Variants in CYTH3 observed in about 807,000 individuals in gnomAD.
The protein encoded by CYTH3 is cytohesin 3.
In CYTH3, 23 loss-of-function variants were observed where a neutral mutation model predicts 55.1. That is an observed-to-expected ratio of 0.42 (90% CI 0.30 to 0.59). The LOEUF (loss-of-function observed/expected upper bound fraction) is 0.59, where lower values mean the gene tolerates loss of function less well. Among genes scored for constraint, CYTH3 ranks in the 20% least tolerant of loss-of-function variants. The pLI, the probability that CYTH3 is intolerant of heterozygous loss-of-function variation, is 0.20. For missense variants in CYTH3, 413 were observed against 524.8 expected, an observed-to-expected ratio of 0.79 and a Z score of 2.08; for synonymous variants, 249 against 194.9, an observed-to-expected ratio of 1.28 and a Z score of -2.31.
chr7:6,201,087 G>C (rs1048945606), intron 1 of CYTH3, among the ~76,000 whole-genome samples: 1 of 152,178 alleles, frequency 6.6e-6, no homozygotes, highest in Admixed American at 6.5e-5. Flanking sequence ...TGAGTTTCTG[G>C]AGACTACTGA....
At chr7:6,180,275 C>T (rs1174102953) in intron 4 of CYTH3, among the ~76,000 whole-genome samples, 2 of 152,238 alleles carry the variant, frequency 1.3e-5, no homozygotes, top group Non-Finnish European at 2.9e-5. Flanking sequence ...CCTCTGGATG[C>T]TCAAGGCCTG....
intron 5 of CYTH3, 80 bp from the exon 6 acceptor site, chr7:6,173,813 G>A: frequency 1.2e-6 from 1 of 841,354 alleles, no homozygotes; most frequent in Non-Finnish European, 2.0e-6. Flanking sequence ...TGAATAATGT[G>A]GCTATGAACG....
At chr7:6,211,845 G>C (rs2128549378) in intron 1 of CYTH3, among the ~76,000 whole-genome samples, 1 of 152,148 alleles carries the variant, frequency 6.6e-6, no homozygotes, top group South Asian at 2.1e-4. Flanking sequence ...AATTAGTCAG[G>C]TGTGGTGGCT....
chr7:6,254,382 C>T (rs1239558163), intron 1 of CYTH3, among the ~76,000 whole-genome samples: 4 of 152,170 alleles, frequency 2.6e-5, no homozygotes, highest in Non-Finnish European at 4.4e-5. Context: ...AGAATGATAA[C>T]GGCTGTAGTT....
chr7:6,235,175 C>G (rs1019135619), intron 1 of CYTH3, among the ~76,000 whole-genome samples: 5 of 152,194 alleles, frequency 3.3e-5, no homozygotes, highest in African/African-American at 1.2e-4. Flanking sequence ...CTGATCCACG[C>G]AGTAAGAACT....
At position 6,162,367 on chromosome 7, in the gene CYTH3, AG is replaced by A. The variant is rs1490473810; in HGVS notation, c.*2576del. On this transcript the variant is annotated 3_prime_UTR_variant, in exon 13 of 13. Transcript: ENST00000350796. ...CTCCTGGCCTCTGTCTCTGGAAAAAAGTATCTTTGGCCAGAGTTGGGACTAA... is the reference window on the plus strand; with the variant it reads ...CTCCTGGCCTCTGTCTCTGGAAAAAATATCTTTGGCCAGAGTTGGGACTAA... 7 of 152,260 alleles carry A rather than the reference AG, an allele frequency of 4.6e-5. No homozygotes were observed. Among genetic ancestry groups the A allele is most frequent in the African/African-American group, 1.7e-4 (7 of 41,462 alleles). The allele number at this position is 152,260 out of a possible 1,614,324, so 9.4% of individuals were successfully genotyped here. A position where few individuals can be genotyped will look rare whatever the true frequency, so the allele number is the denominator to read the frequency against.
intron 1 of CYTH3, among the ~76,000 whole-genome samples, chr7:6,204,819 A>G (rs568872528): frequency 2.0e-5 from 3 of 152,328 alleles, no homozygotes; most frequent in East Asian, 1.9e-4. Flanking sequence ...CTGTTGTCAT[A>G]AAGACCACAT....
chr7:6,166,686 G>A (rs1783020087), intron 9 of CYTH3, among the ~76,000 whole-genome samples: 1 of 152,156 alleles, frequency 6.6e-6, no homozygotes, highest in Non-Finnish European at 1.5e-5. Context: ...TGGGTGAGGA[G>A]GAACCAGCTG....
intron 1 of CYTH3, among the ~76,000 whole-genome samples, chr7:6,196,767 T>G (rs1479356773): frequency 2.0e-5 from 3 of 152,146 alleles, no homozygotes; most frequent in Non-Finnish European, 4.4e-5. Flanking sequence ...AGCCGCATCT[T>G]ATTTCAATAT....
intron 1 of CYTH3, among the ~76,000 whole-genome samples, chr7:6,208,291 C>T (rs932556229): frequency 2.6e-5 from 4 of 152,180 alleles, no homozygotes; most frequent in Admixed American, 6.5e-5. Context: ...TGTTACAACC[C>T]TACCCAAATC....
Position 6,170,743 on chromosome 7 carries a change from G to C in CYTH3, c.711+87C>G. 6.4e-7 allele frequency: 1 copy of C among 1,568,366 alleles called. No individual in the cohort carries two copies. Among genetic ancestry groups the C allele is most frequent in the South Asian group, 1.2e-5 (1 of 85,948 alleles). The stretch of plus-strand genomic sequence containing the variant: ...GGGACCAGGGCGGCAAGGAGGCTTG[G>C]GAGGCGTGTCTAGAGCCGCGGGCGC... On this transcript the variant is annotated intron_variant, in intron 8 of 12. Transcript: ENST00000350796. The surrounding 1 kb of genome is among the most constrained non-coding windows in gnomAD (Gnocchi z 7.8).
intron 1 of CYTH3, among the ~76,000 whole-genome samples, chr7:6,209,780 T>C (rs1784282824): frequency 6.6e-6 from 1 of 152,218 alleles, no homozygotes; most frequent in African/African-American, 2.4e-5. Context: ...TCAGTGATAG[T>C]AAGAGATCAG....
chr7:6,259,893 T>G (rs7808237), intron 1 of CYTH3, among the ~76,000 whole-genome samples: 1 of 129,788 alleles, frequency 7.7e-6, no homozygotes, highest in Non-Finnish European at 1.5e-5. Context: ...AGCAATGGCG[T>G]GATCTCGGCT....
At chr7:6,175,348 TAG>T (rs1183899817) in intron 5 of CYTH3, among the ~76,000 whole-genome samples, 1 of 152,156 alleles carries the variant, frequency 6.6e-6, no homozygotes, top group Non-Finnish European at 1.5e-5. Context: ...TCTGATGAAG[TAG>T]AGTCTACCTA....
intron 1 of CYTH3, among the ~76,000 whole-genome samples, chr7:6,267,320 G>A (rs74359060): frequency 0.021 from 3,214 of 152,254 alleles, 102 homozygotes; most frequent in African/African-American, 0.073. Flanking sequence ...AATAGCTCTT[G>A]TGCCATGCAT....
rs966382076 is a variant in CYTH3, at chr7:6,167,084, G to T, written c.824-1274C>A. Among the ~76,000 whole-genome samples the T allele has an allele frequency of 1.3e-5, 2 of 152,118 alleles. No homozygotes were observed. The highest frequency in any genetic ancestry group is 1.3e-4 in the Admixed American group (2 of 15,288). On this transcript the variant is annotated intron_variant, in intron 9 of 12. Coordinates refer to ENST00000350796, the MANE Select transcript of CYTH3 (RefSeq NM_004227.4). This position sits in a 1 kb window ranked among gnomAD's most constrained non-coding sequence, Gnocchi z 5.5. ...AGCTGCTCCGTCACTGGAACCCTCTGCCCCAACTGTGGCACCGCCTCACTG... is the reference window on the plus strand; with the variant it reads ...AGCTGCTCCGTCACTGGAACCCTCTTCCCCAACTGTGGCACCGCCTCACTG...
chr7:6,245,292 CTTCT>C (rs1253966680), intron 1 of CYTH3, among the ~76,000 whole-genome samples: 4 of 151,914 alleles, frequency 2.6e-5, no homozygotes, highest in African/African-American at 7.3e-5. Context: ...CAACTAGTGA[CTTCT>C]TTTTCATTCT....
intron 1 of CYTH3, among the ~76,000 whole-genome samples, chr7:6,204,731 C>G (rs1050676569): frequency 2.0e-5 from 3 of 152,200 alleles, no homozygotes; most frequent in African/African-American, 7.2e-5. Context: ...CAACCCATGG[C>G]TCCCCAATCA....
intron 1 of CYTH3, among the ~76,000 whole-genome samples, chr7:6,264,951 G>C (rs1780449571): frequency 6.6e-6 from 1 of 152,208 alleles, no homozygotes; most frequent in African/African-American, 2.4e-5. Flanking sequence ...TGTGATTTTA[G>C]ATAGGTTGGT....
Sources: allele counts gnomAD v4.1 joint callset (sites outside exome capture counted in the v4.1 genomes callset), GRCh38; gene constraint gnomAD v4.1.1; non-coding constraint Gnocchi (gnomAD v3.1); transcripts MANE v1.5; gene names NCBI Gene and HGNC (gene_info 2026-07-23, HGNC 2026-07-21).